The following DIAPH3 variants were observed in gnomAD, a reference collection of about 807,000 sequenced individuals.
DIAPH3 encodes the protein protein diaphanous homolog 3.
A neutral mutation model predicts 144.3 loss-of-function variants in DIAPH3; 117 were observed. The ratio of observed to expected loss-of-function variants is 0.81; its 90% confidence interval spans 0.70 to 0.95. The LOEUF is 0.95. Among genes scored for constraint, DIAPH3 ranks in the 40% least tolerant of loss-of-function variants. DIAPH3 has a pLI of 0.00. For synonymous variants in DIAPH3, 519 were observed against 488.9 expected (o/e 1.06, Z -0.81); for missense variants, 1,421 against 1,412.7 (o/e 1.01, Z -0.09).
At chr13:59,926,384 A>C (rs2047754473) in intron 17 of DIAPH3, among the ~76,000 whole-genome samples, 1 of 152,018 alleles carries the variant, frequency 6.6e-6, no homozygotes, top group South Asian at 2.1e-4. Context: ...TTGTTTTCCT[A>C]GTTCCTTGAA....
intron 27 of DIAPH3, among the ~76,000 whole-genome samples, chr13:59,714,287 G>A (rs564806382): frequency 1.0e-3 from 153 of 148,026 alleles, no homozygotes; most frequent in African/African-American, 3.8e-3. Context: ...GTGAACCCGG[G>A]AGGCGGAGCT....
intron 25 of DIAPH3, among the ~76,000 whole-genome samples, chr13:59,786,977 CTG>C (rs1447506418): frequency 6.6e-6 from 1 of 152,060 alleles, no homozygotes; most frequent in Admixed American, 6.5e-5. Context: ...TGGTGCATGC[CTG>C]TAGTCCCAGC....
chr13:59,988,222 C>G (rs1455128856), intron 12 of DIAPH3, among the ~76,000 whole-genome samples: 1 of 151,810 alleles, frequency 6.6e-6, no homozygotes, highest in Non-Finnish European at 1.5e-5. Context: ...ATGCTTGCCT[C>G]TATTTGTTCA....
intron 27 of DIAPH3, among the ~76,000 whole-genome samples, chr13:59,741,988 C>T (rs1289947025): frequency 6.6e-6 from 1 of 152,114 alleles, no homozygotes; most frequent in Non-Finnish European, 1.5e-5. Context: ...GTTTAATGGA[C>T]TCACAGTTCC....
chr13:60,117,348 C>T (rs2058728383), intron 2 of DIAPH3, among the ~76,000 whole-genome samples: 1 of 151,928 alleles, frequency 6.6e-6, no homozygotes, highest in African/African-American at 2.4e-5. Context: ...AAGGATCAAT[C>T]AGTATTTCAT....
intron 20 of DIAPH3, among the ~76,000 whole-genome samples, chr13:59,893,239 G>T (rs340222): frequency 0.69 from 104,705 of 151,992 alleles, 38,038 homozygotes; most frequent in East Asian, 0.88. Flanking sequence ...TACTTTAAAT[G>T]TGGCTTTCCA....
At chr13:60,130,270 A>G (rs1180506471) in intron 2 of DIAPH3, among the ~76,000 whole-genome samples, 1 of 152,224 alleles carries the variant, frequency 6.6e-6, no homozygotes, top group Non-Finnish European at 1.5e-5. Context: ...CTACAGCAAC[A>G]GATACAGATG....
chr13:60,031,756 T>TTTTG (rs1193844482), intron 5 of DIAPH3, among the ~76,000 whole-genome samples: 1 of 143,180 alleles, frequency 7.0e-6, no homozygotes, highest in African/African-American at 2.6e-5. Context: ...TTTTTTTTTT[T>TTTTG]TTTTGAGATG....
At chr13:59,831,778 G>A (rs2139712922) in intron 24 of DIAPH3, among the ~76,000 whole-genome samples, 1 of 151,902 alleles carries the variant, frequency 6.6e-6, no homozygotes, top group South Asian at 2.1e-4. Context: ...AGTGTTCTTT[G>A]GAATATGAAG....
intron 21 of DIAPH3, among the ~76,000 whole-genome samples, chr13:59,876,320 ATTTAT>A (rs1285722280): frequency 1.3e-5 from 2 of 152,134 alleles, no homozygotes; most frequent in Admixed American, 1.3e-4. Context: ...AAGTTGTAGT[ATTTAT>A]TTTGTTTCTT....
intron 3 of DIAPH3, among the ~76,000 whole-genome samples, chr13:60,104,071 A>T (rs1023983851): frequency 3.3e-5 from 5 of 152,160 alleles, no homozygotes; most frequent in Non-Finnish European, 7.4e-5. Flanking sequence ...AATAAATTTT[A>T]TTGGGTTTAG....
chr13:59,922,375 A>C (rs969210018), intron 18 of DIAPH3, among the ~76,000 whole-genome samples: 1 of 152,122 alleles, frequency 6.6e-6, no homozygotes, highest in Non-Finnish European at 1.5e-5. Flanking sequence ...AATATAGGAA[A>C]CCAAAACCAC....
Position 59,991,353 on chromosome 13 carries a change from TAA to T in DIAPH3, c.1245-81_1245-80del. The T allele has an allele frequency of 3.8e-6, 4 of 1,060,594 alleles. No homozygotes were observed. In the Admixed American group the frequency reaches 6.8e-5, roughly 18 times the overall value. The allele number at this position is 1,060,594 out of a possible 1,614,324, so 65.7% of individuals were successfully genotyped here. On this transcript the variant is annotated intron_variant, in intron 11 of 27. Transcript: ENST00000400324. ...TAATAATATGACAGAATTTGTCCTG[TAA>T]GGTTTTGGAACTGTAATACAGGCAT...
chr13:60,149,232 A>G (rs1951671185), intron 1 of DIAPH3, among the ~76,000 whole-genome samples: 1 of 152,250 alleles, frequency 6.6e-6, no homozygotes, highest in Non-Finnish European at 1.5e-5. Flanking sequence ...TTAACCTCAA[A>G]TAGGAAAATA....
At chr13:59,924,629 C>A in intron 18 of DIAPH3, 146 bp downstream of exon 18, 2 of 1,293,230 alleles carry the variant, frequency 1.5e-6, no homozygotes, top group East Asian at 3.1e-5. Context: ...CCATAATTTA[C>A]CTAAAGGAGA....
chr13:59,934,724 C>A (rs1026835845), intron 17 of DIAPH3, among the ~76,000 whole-genome samples: 1 of 152,084 alleles, frequency 6.6e-6, no homozygotes, highest in Non-Finnish European at 1.5e-5. Flanking sequence ...AAGCTACATG[C>A]TGAAGGTGGC....
chr13:59,726,482 T>C (rs1021929664), intron 27 of DIAPH3, among the ~76,000 whole-genome samples: 2 of 152,214 alleles, frequency 1.3e-5, no homozygotes, highest in African/African-American at 4.8e-5. Flanking sequence ...CTATGTTCCA[T>C]ACAATGTACA....
Position 59,751,005 on chromosome 13 carries a change from A to AT in DIAPH3, c.3319+23183dup, listed in dbSNP as rs550233658. On this transcript the variant is annotated intron_variant, in intron 27 of 27. Coordinates refer to ENST00000400324, the MANE Select transcript of DIAPH3 (RefSeq NM_001042517.2). Reference sequence around the variant, plus strand: ...GTCAGCACTGTCGGCTGCTCAAATGATTTTTTAAGCAGAGCAGCCGGTTGC... The same window carrying AT: ...GTCAGCACTGTCGGCTGCTCAAATGATTTTTTTAAGCAGAGCAGCCGGTTGC... 3.9e-5 allele frequency among the ~76,000 whole-genome samples: 6 copies of AT among 152,314 alleles called. No homozygotes were observed. In the East Asian group the frequency reaches 1.2e-3, roughly 29 times the overall value.
At chr13:59,813,758 C>T (rs902002609) in intron 24 of DIAPH3, among the ~76,000 whole-genome samples, 2 of 150,602 alleles carry the variant, frequency 1.3e-5, no homozygotes, top group African/African-American at 2.4e-5. Context: ...GAGGCTGAAA[C>T]AGGAGAATCA....
Sources: allele counts gnomAD v4.1 joint callset (sites outside exome capture counted in the v4.1 genomes callset), GRCh38; gene constraint gnomAD v4.1.1; transcripts MANE v1.5; gene names NCBI Gene and HGNC (gene_info 2026-07-23, HGNC 2026-07-21).